Variants in ERBB4 observed in about 807,000 individuals in gnomAD.
ERBB4 encodes erb-b2 receptor tyrosine kinase 4, also known as receptor tyrosine-protein kinase erbB-4.
ERBB4 carries 42 observed loss-of-function variants against 158.0 expected under a neutral mutation model. That is an observed-to-expected ratio of 0.27 (90% confidence interval 0.21 to 0.34). The LOEUF (loss-of-function observed/expected upper bound fraction) is 0.34, where lower values mean the gene tolerates loss of function less well. ERBB4 is among the 10% of genes least tolerant of loss of function. The probability of loss-of-function intolerance (pLI) is 1.00; values close to 1 mark genes in which losing one functional copy is unlikely to be tolerated. For synonymous variants in ERBB4, 583 were observed against 558.7 expected (o/e 1.04, Z -0.61); for missense variants, 1,333 against 1,624.1 (o/e 0.82, Z 3.08).
intron 20 of ERBB4, among the ~76,000 whole-genome samples, chr2:211,502,861 T>G (rs1215060176): frequency 2.0e-5 from 3 of 152,198 alleles, no homozygotes; most frequent in Non-Finnish European, 4.4e-5. Flanking sequence ...GATGGATGAC[T>G]AGGTGCAGCT....
chr2:212,436,562 T>G (rs1381108613), intron 1 of ERBB4, among the ~76,000 whole-genome samples: 3 of 152,048 alleles, frequency 2.0e-5, no homozygotes, highest in Non-Finnish European at 2.9e-5. Context: ...AGATTTCATT[T>G]CTCCTTTCTA....
chr2:212,243,433 C>T (rs535807356), intron 1 of ERBB4, among the ~76,000 whole-genome samples: 39 of 151,820 alleles, frequency 2.6e-4, no homozygotes, highest in African/African-American at 8.9e-4. Flanking sequence ...GACCTTGTAT[C>T]ACCATATAAA....
At chr2:212,058,561 A>C (rs149793260) in intron 2 of ERBB4, among the ~76,000 whole-genome samples, 17,754 of 152,164 alleles carry the variant, frequency 0.12, 1,702 homozygotes, top group African/African-American at 0.26. Context: ...GGCAAACTGA[A>C]TCCAGCAGCA....
intron 1 of ERBB4, among the ~76,000 whole-genome samples, chr2:212,202,998 T>A (rs1421998990): frequency 6.6e-6 from 1 of 151,724 alleles, no homozygotes; most frequent in Non-Finnish European, 1.5e-5. Flanking sequence ...TTATTTTATT[T>A]ACATATATGT....
At chr2:211,792,228 A>C (rs1270066999) in intron 3 of ERBB4, among the ~76,000 whole-genome samples, 1 of 151,790 alleles carries the variant, frequency 6.6e-6, no homozygotes, top group Non-Finnish European at 1.5e-5. Context: ...TCTACAGGTT[A>C]TCTTGACTGG....
intron 1 of ERBB4, among the ~76,000 whole-genome samples, chr2:212,350,037 A>C (rs1028148544): frequency 9.9e-5 from 15 of 152,152 alleles, no homozygotes; most frequent in African/African-American, 2.9e-4. Flanking sequence ...AGGAATTTTA[A>C]AATCAATGCT....
intron 25 of ERBB4, among the ~76,000 whole-genome samples, chr2:211,418,415 C>T (rs1363352816): frequency 1.3e-5 from 2 of 152,034 alleles, no homozygotes; most frequent in African/African-American, 4.8e-5. Context: ...TATTTAATCA[C>T]CATTTCTTTT....
intron 1 of ERBB4, among the ~76,000 whole-genome samples, chr2:212,159,877 C>T (rs1440094806): frequency 6.6e-6 from 1 of 151,944 alleles, no homozygotes; most frequent in Non-Finnish European, 1.5e-5. Flanking sequence ...GGCTAATATA[C>T]TTTTCTTAAT....
chr2:212,518,448 C>T (rs1691961061), intron 1 of ERBB4, among the ~76,000 whole-genome samples: 1 of 151,922 alleles, frequency 6.6e-6, no homozygotes, highest in Non-Finnish European at 1.5e-5. Flanking sequence ...GATAACTGAA[C>T]ATTTAATAAC....
intron 12 of ERBB4, among the ~76,000 whole-genome samples, chr2:211,694,715 C>A (rs1211297541): frequency 2.0e-5 from 3 of 152,070 alleles, no homozygotes; most frequent in Admixed American, 1.3e-4. Flanking sequence ...ATGGTTCATA[C>A]CAAGCTATGG....
chr2:211,389,375 A>C (rs1235476880), intron 25 of ERBB4, among the ~76,000 whole-genome samples: 1 of 152,206 alleles, frequency 6.6e-6, no homozygotes, highest in East Asian at 1.9e-4. Flanking sequence ...CATATGATTT[A>C]GATTCATGAA....
intron 20 of ERBB4, among the ~76,000 whole-genome samples, chr2:211,525,928 A>G (rs2125650156): frequency 6.6e-6 from 1 of 152,212 alleles, no homozygotes; most frequent in Non-Finnish European, 1.5e-5. Flanking sequence ...AAACCATAGA[A>G]TAGACCACCA....
chr2:211,538,967 C>A (rs1281198475), intron 20 of ERBB4, among the ~76,000 whole-genome samples: 1 of 151,770 alleles, frequency 6.6e-6, no homozygotes, highest in Non-Finnish European at 1.5e-5. Flanking sequence ...TGTGCACTGA[C>A]TAAATGAACT....
intron 3 of ERBB4, among the ~76,000 whole-genome samples, chr2:211,920,293 G>A (rs781565324): frequency 6.6e-6 from 1 of 151,852 alleles, no homozygotes; most frequent in African/African-American, 2.4e-5. Flanking sequence ...ACAGGATTTC[G>A]CCTTTAATAA....
intron 1 of ERBB4, among the ~76,000 whole-genome samples, chr2:212,436,490 G>C (rs752661780): frequency 3.9e-4 from 59 of 152,076 alleles, no homozygotes; most frequent in Non-Finnish European, 7.8e-4. Flanking sequence ...ATTTCCTCAA[G>C]AGGAAAAAGA....
chr2:211,677,840 C>T (rs1222898149), intron 13 of ERBB4, among the ~76,000 whole-genome samples: 2 of 151,924 alleles, frequency 1.3e-5, no homozygotes, highest in Non-Finnish European at 2.9e-5. Context: ...CACCACTGCG[C>T]TCTAGCCAGG....
At chr2:211,395,964 A>C (rs2062907046) in intron 25 of ERBB4, among the ~76,000 whole-genome samples, 1 of 152,040 alleles carries the variant, frequency 6.6e-6, no homozygotes, top group South Asian at 2.1e-4. Context: ...TTAGGGATTA[A>C]AATAATTGTT....
At chr2:211,716,347 A>C (rs1326188742) in intron 7 of ERBB4, among the ~76,000 whole-genome samples, 1 of 113,036 alleles carries the variant, frequency 8.8e-6, no homozygotes, top group Admixed American at 1.0e-4. Flanking sequence ...GGGCAACAAC[A>C]GTGAAACTCT....
In ERBB4 at chr2:211,888,700, C is replaced by T. The variant is rs527944282; in HGVS notation, c.421+58730G>A. Among the ~76,000 whole-genome samples the T allele has an allele frequency of 1.1e-3, 170 of 151,968 alleles. 1 individual carries two copies. Among genetic ancestry groups the T allele is most frequent in the Middle Eastern group, 0.01 (3 of 294 alleles). ...CAGGCCAGTGGGTGCGCGCACCGTG[C>T]GCGAGCCGAAGCAGGGCGAGGCATT... On this transcript the variant is annotated intron_variant, in intron 3 of 27. Coordinates refer to ENST00000342788, the MANE Select transcript of ERBB4 (RefSeq NM_005235.3).
Sources: gnomAD v4.1 joint callset for allele counts (sites outside exome capture counted in the v4.1 genomes callset) on GRCh38, gnomAD v4.1.1 for gene constraint, MANE v1.5 for transcripts, NCBI Gene and HGNC (gene_info 2026-07-23, HGNC 2026-07-21) for gene names.